Variants in ELMO1 observed in about 807,000 individuals in gnomAD.
The protein encoded by ELMO1 is engulfment and cell motility 1.
In ELMO1, 26 loss-of-function variants were observed where a neutral mutation model predicts 98.9. That is an observed-to-expected ratio of 0.26 (90% confidence interval 0.19 to 0.36). The LOEUF (loss-of-function observed/expected upper bound fraction) is 0.36. Among genes scored for constraint, ELMO1 ranks in the 10% least tolerant of loss-of-function variants. The pLI, the probability that ELMO1 is intolerant of heterozygous loss-of-function variation, is 1.00. For synonymous variants in ELMO1, 346 were observed against 346.0 expected (o/e 1.00, Z 0.00); for missense variants, 627 against 935.2 (o/e 0.67, Z 4.30).
In ELMO1 at chr7:37,013,419, G is replaced by A. The variant is rs372283932; in HGVS notation, c.1317C>T (p.Asn439=). Reference sequence around the variant, plus strand: ...GGGTGAAGAACATCGGGTGGAAGTCGTTGCAGGTCTCACTAGCTGGAGGAA... The same window carrying A: ...GGGTGAAGAACATCGGGTGGAAGTCATTGCAGGTCTCACTAGCTGGAGGAA... ...KVGELPSETC[N]DFHPMFFTHD... Residue 439 remains asparagine (N), a synonymous_variant, in exon 16 of 22, where the codon AAC becomes AAT. Coordinates refer to ENST00000310758, the MANE Select transcript of ELMO1 (RefSeq NM_014800.11). 17 of 1,613,866 alleles carry A rather than the reference G, an allele frequency of 1.1e-5. No individual in the cohort carries two copies. The highest frequency in any genetic ancestry group is 4.0e-5 in the African/African-American group (3 of 74,922).
chr7:37,206,383 C>T (rs984386236), intron 13 of ELMO1, among the ~76,000 whole-genome samples: 3 of 152,226 alleles, frequency 2.0e-5, no homozygotes, highest in Non-Finnish European at 4.4e-5. Context: ...CCCAAATCTA[C>T]AGCCCAAGCT....
intron 13 of ELMO1, among the ~76,000 whole-genome samples, chr7:37,181,952 C>G (rs1233386137): frequency 6.6e-6 from 1 of 152,010 alleles, no homozygotes; most frequent in Non-Finnish European, 1.5e-5. Context: ...TAGAAAGTAC[C>G]AAATATTTCA....
At chr7:37,259,135 G>T (rs749779255) in intron 6 of ELMO1, 46 bp downstream of exon 6, 1 of 1,560,656 alleles carries the variant, frequency 6.4e-7, no homozygotes, top group Non-Finnish European at 8.7e-7. Context: ...TTCAAAACGC[G>T]GAGACACGCA....
intron 14 of ELMO1, among the ~76,000 whole-genome samples, chr7:37,111,269 C>T (rs1207879969): frequency 6.6e-6 from 1 of 152,172 alleles, no homozygotes; most frequent in East Asian, 1.9e-4. Flanking sequence ...GATCAGCACA[C>T]GTAAGTTAAC....
intron 6 of ELMO1, among the ~76,000 whole-genome samples, chr7:37,249,557 T>A (rs1236727868): frequency 6.6e-6 from 1 of 152,196 alleles, no homozygotes; most frequent in South Asian, 2.1e-4. Context: ...ACCACTGCTA[T>A]CTTTCTGAGG....
chr7:37,070,712 G>T (rs568396913), intron 15 of ELMO1, among the ~76,000 whole-genome samples: 1 of 152,190 alleles, frequency 6.6e-6, no homozygotes, highest in Non-Finnish European at 1.5e-5. Context: ...ATGGGTACCA[G>T]CTTTACTCTG....
chr7:37,383,809 TTTG>T (rs137868643), intron 1 of ELMO1, among the ~76,000 whole-genome samples: 13 of 151,868 alleles, frequency 8.6e-5, no homozygotes, highest in Non-Finnish European at 1.0e-4. Context: ...TACAGGGCTT[TTTG>T]TTGTTGTTGT....
chr7:37,440,765 T>C (rs1443222161), intron 1 of ELMO1, among the ~76,000 whole-genome samples: 2 of 120,588 alleles, frequency 1.7e-5, no homozygotes, highest in East Asian at 5.5e-4. Flanking sequence ...TGAGACTCCA[T>C]CTCAAAAAAA....
chr7:37,117,468 T>C (rs1785679713), intron 14 of ELMO1, among the ~76,000 whole-genome samples: 1 of 152,184 alleles, frequency 6.6e-6, no homozygotes, highest in Admixed American at 6.5e-5. Flanking sequence ...AGGGGTCTTC[T>C]GAGATAAAAC....
At chr7:37,134,999 C>T (rs755530606) in intron 13 of ELMO1, among the ~76,000 whole-genome samples, 38 of 152,196 alleles carry the variant, frequency 2.5e-4, no homozygotes, top group Non-Finnish European at 4.1e-4. Flanking sequence ...CCTGACCTCA[C>T]CACTATTCAG....
rs991561616 is a variant in ELMO1 at position 37,272,381 on chromosome 7, T to C, written c.193-499A>G. ...AAATTAGTAAGTCATAAAAAAGGAA[T>C]GAAGGGCCAGGCGTGGTGGCTCACA... On this transcript the variant is annotated intron_variant, in intron 4 of 21. Coordinates refer to ENST00000310758, the MANE Select transcript of ELMO1 (RefSeq NM_014800.11). 5.9e-5 allele frequency among the ~76,000 whole-genome samples: 9 copies of C among 152,228 alleles called. No individual in the cohort carries two copies. In the East Asian group the frequency reaches 1.7e-3, roughly 29 times the overall value.
intron 15 of ELMO1, among the ~76,000 whole-genome samples, chr7:37,017,054 T>G (rs1489538644): frequency 1.3e-5 from 2 of 152,204 alleles, no homozygotes; most frequent in Non-Finnish European, 2.9e-5. Context: ...TGATGTATAT[T>G]TACTGTGTAA....
At chr7:37,112,104 G>GAACAC (rs1785283752) in intron 14 of ELMO1, among the ~76,000 whole-genome samples, 1 of 151,990 alleles carries the variant, frequency 6.6e-6, no homozygotes, top group Non-Finnish European at 1.5e-5. Context: ...GAAAAAAGAG[G>GAACAC]AACACAACCC....
chr7:37,252,207 T>C (rs1370045855), intron 6 of ELMO1, among the ~76,000 whole-genome samples: 1 of 152,226 alleles, frequency 6.6e-6, no homozygotes, highest in African/African-American at 2.4e-5. Flanking sequence ...CCATTGACTT[T>C]CTTCACAGAA....
chr7:37,373,817 T>C (rs982926328), intron 1 of ELMO1, among the ~76,000 whole-genome samples: 8 of 152,230 alleles, frequency 5.3e-5, no homozygotes, highest in Non-Finnish European at 1.2e-4. Flanking sequence ...TTCTCTCCTT[T>C]GCCTGCTGCC....
At chr7:36,967,131 T>G (rs1285183819) in intron 16 of ELMO1, among the ~76,000 whole-genome samples, 1 of 152,214 alleles carries the variant, frequency 6.6e-6, no homozygotes, top group East Asian at 1.9e-4. Context: ...AAATGTATAT[T>G]TAGTTTACAA....
chr7:37,028,196 G>C (rs1383530729), intron 15 of ELMO1, among the ~76,000 whole-genome samples: 2 of 152,090 alleles, frequency 1.3e-5, no homozygotes. Flanking sequence ...GGAGAGCCAG[G>C]GTTTAACACC....
At chr7:37,302,790 T>C (rs566300922) in intron 4 of ELMO1, among the ~76,000 whole-genome samples, 10 of 152,240 alleles carry the variant, frequency 6.6e-5, no homozygotes, top group African/African-American at 2.4e-4. Flanking sequence ...TTTGGGGTGT[T>C]TTTTAATGCC....
intron 10 of ELMO1, among the ~76,000 whole-genome samples, chr7:37,219,064 CGACAA>C (rs1292703423): frequency 4.6e-5 from 7 of 152,314 alleles, no homozygotes; most frequent in South Asian, 2.1e-4. Context: ...ACCTCCTCCC[CGACAA>C]AACTAGCCCA....
Sources: allele counts gnomAD v4.1 joint callset (sites outside exome capture counted in the v4.1 genomes callset), GRCh38; gene constraint gnomAD v4.1.1; transcripts MANE v1.5; gene names NCBI Gene and HGNC (gene_info 2026-07-23, HGNC 2026-07-21).